Variants in ZFPM2 observed in about 807,000 individuals in gnomAD.
The protein encoded by ZFPM2 is zinc finger protein ZFPM2.
In ZFPM2, 20 loss-of-function variants were observed where a neutral mutation model predicts 98.6. That is an observed-to-expected ratio of 0.20 (90% confidence interval 0.14 to 0.29). ZFPM2 has a LOEUF of 0.29. Among genes scored for constraint, ZFPM2 ranks in the 10% least tolerant of loss-of-function variants. The pLI is 1.00. For missense variants in ZFPM2, 1,310 were observed against 1,388.6 expected (o/e 0.94, Z 0.90); for synonymous variants, 518 against 502.7 (o/e 1.03, Z -0.41).
chr8:105,454,363 G>A (rs1563666810), intron 3 of ZFPM2, among the ~76,000 whole-genome samples: 1 of 152,140 alleles, frequency 6.6e-6, no homozygotes, highest in South Asian at 2.1e-4. Flanking sequence ...GATATGGTGG[G>A]CATCAGTACT....
intron 3 of ZFPM2, among the ~76,000 whole-genome samples, chr8:105,456,194 A>G (rs1812590394): frequency 7.4e-6 from 1 of 135,522 alleles, no homozygotes. Context: ...GGAAGGGGCT[A>G]TGCCTGGCTT....
At chr8:105,528,031 G>T (rs1184127005) in intron 3 of ZFPM2, among the ~76,000 whole-genome samples, 1 of 152,114 alleles carries the variant, frequency 6.6e-6, no homozygotes, top group Admixed American at 6.6e-5. Flanking sequence ...TGCTCCAGAG[G>T]TTTCTGCAGA....
chr8:105,451,093 C>T (rs575908264), intron 3 of ZFPM2, among the ~76,000 whole-genome samples: 173 of 152,236 alleles, frequency 1.1e-3, no homozygotes, highest in African/African-American at 3.8e-3. Flanking sequence ...GATTATACTT[C>T]TTCAGCTGTG....
chr8:105,670,790 T>C (rs932158981), intron 5 of ZFPM2, among the ~76,000 whole-genome samples: 2 of 152,184 alleles, frequency 1.3e-5, no homozygotes, highest in Non-Finnish European at 2.9e-5. Context: ...ACCGGACCCA[T>C]AGAGACTACC....
intron 1 of ZFPM2, among the ~76,000 whole-genome samples, chr8:105,394,864 A>G (rs1376969749): frequency 6.6e-6 from 1 of 152,202 alleles, no homozygotes; most frequent in African/African-American, 2.4e-5. Context: ...ATCCTTATGA[A>G]GCAGCATTTG....
chr8:105,412,458 A>G (rs1811595428), intron 1 of ZFPM2, among the ~76,000 whole-genome samples: 1 of 151,842 alleles, frequency 6.6e-6, no homozygotes, highest in Admixed American at 6.6e-5. Context: ...ATAAGAAATA[A>G]CATAACACAT....
chr8:105,591,139 T>G (rs1044560455), intron 4 of ZFPM2, among the ~76,000 whole-genome samples: 1 of 151,992 alleles, frequency 6.6e-6, no homozygotes, highest in African/African-American at 2.4e-5. Context: ...AGACTATGAA[T>G]CAGTTTGCTG....
At chr8:105,741,008 C>T (rs866499608) in intron 5 of ZFPM2, among the ~76,000 whole-genome samples, 5 of 151,898 alleles carry the variant, frequency 3.3e-5, no homozygotes, top group Non-Finnish European at 5.9e-5. Flanking sequence ...TAGAGGCAGC[C>T]GTGTATTGGT....
chr8:105,756,912 C>T (rs1296833025), intron 5 of ZFPM2, among the ~76,000 whole-genome samples: 2 of 152,044 alleles, frequency 1.3e-5, no homozygotes, highest in Non-Finnish European at 2.9e-5. Flanking sequence ...CCTGGGGCAG[C>T]GCGGGCCTGC....
chr8:105,695,738 A>T (rs1426832025), intron 5 of ZFPM2, among the ~76,000 whole-genome samples: 1 of 152,194 alleles, frequency 6.6e-6, no homozygotes, highest in South Asian at 2.1e-4. Flanking sequence ...TGAGCAGAAA[A>T]TAGGTAAATG....
chr8:105,493,158 A>T (rs899492549), intron 3 of ZFPM2, among the ~76,000 whole-genome samples: 1 of 152,202 alleles, frequency 6.6e-6, no homozygotes, highest in Non-Finnish European at 1.5e-5. Flanking sequence ...ATTGCAAATT[A>T]AAAGTTTGTT....
chr8:105,491,593 A>G (rs905365216), intron 3 of ZFPM2, among the ~76,000 whole-genome samples: 2 of 152,220 alleles, frequency 1.3e-5, no homozygotes, highest in Non-Finnish European at 2.9e-5. Context: ...TCTAACAATA[A>G]TAACAACAAA....
At chr8:105,730,769 CTT>C (rs1239093734) in intron 5 of ZFPM2, among the ~76,000 whole-genome samples, 3 of 118,858 alleles carry the variant, frequency 2.5e-5, no homozygotes, top group African/African-American at 6.1e-5. Flanking sequence ...TGAACTTTTT[CTT>C]TTTTCTTTTT....
chr8:105,441,448 G>GAA lies in ZFPM2; in HGVS notation c.200-2831_200-2830insAA, dbSNP rs1377281935. 3.1e-3 allele frequency among the ~76,000 whole-genome samples: 110 copies of GAA among 36,042 alleles called. 5 individuals carry two copies. Among genetic ancestry groups the GAA allele is most frequent in the Admixed American group, 4.2e-3 (14 of 3,332 alleles). 23.6% of individuals were successfully genotyped at this position (36,042 alleles called of 152,430 possible). On this transcript the variant is annotated intron_variant, in intron 2 of 7. Coordinates refer to ENST00000407775, the MANE Select transcript of ZFPM2 (RefSeq NM_012082.4). ...AGAAAGAAAGAAAGAGAGAGAGAGA[G>GAA]AGAGAGAAAGAAAGAAAGAAAGAAA...
chr8:105,325,543 A>G (rs987707012), intron 1 of ZFPM2, among the ~76,000 whole-genome samples: 3 of 151,874 alleles, frequency 2.0e-5, no homozygotes. Flanking sequence ...TCAATATAGA[A>G]AGTGGACTCT....
intron 4 of ZFPM2, among the ~76,000 whole-genome samples, chr8:105,628,482 C>G (rs573858015): frequency 6.6e-6 from 1 of 152,204 alleles, no homozygotes; most frequent in East Asian, 1.9e-4. Context: ...AAACTGTGGC[C>G]CAAAGTGAGA....
chr8:105,420,083 T>G (rs547422327), intron 2 of ZFPM2, among the ~76,000 whole-genome samples: 2 of 152,308 alleles, frequency 1.3e-5, no homozygotes, highest in African/African-American at 4.8e-5. Context: ...TTGGATCACT[T>G]TCTTGGTTTA....
chr8:105,735,368 A>G (rs909252898), intron 5 of ZFPM2, among the ~76,000 whole-genome samples: 9 of 151,718 alleles, frequency 5.9e-5, no homozygotes, highest in Admixed American at 3.3e-4. Context: ...TATACAATTG[A>G]TTTTTTAAGG....
rs267608264 is a variant in ZFPM2, at chr8:105,634,277, C to T, written c.452C>T (p.Thr151Ile). 1.2e-6 allele frequency: 2 copies of T among 1,613,012 alleles called. No homozygotes were observed. Among genetic ancestry groups the T allele is most frequent in the Non-Finnish European group, 1.7e-6 (2 of 1,179,460 alleles). The change falls in exon 5 of 8, where the codon ACT (threonine) becomes ATT (isoleucine). Residue 151 changes from threonine (T) to isoleucine (I), a missense_variant. Coordinates refer to ENST00000407775, the MANE Select transcript of ZFPM2 (RefSeq NM_012082.4). Reference protein sequence around the residue: ...KTKAQVPMVLTAGPKWLLDVT... With the variant: ...KTKAQVPMVLIAGPKWLLDVT... ...AAGGCTCAGGTCCCAATGGTGCTGACTGCTGGTCCCAAGTGGTTGCTGGAT... is the reference window on the plus strand; with the variant it reads ...AAGGCTCAGGTCCCAATGGTGCTGATTGCTGGTCCCAAGTGGTTGCTGGAT...
Sources: allele counts gnomAD v4.1 joint callset (sites outside exome capture counted in the v4.1 genomes callset), GRCh38; gene constraint gnomAD v4.1.1; transcripts MANE v1.5; gene names NCBI Gene and HGNC (gene_info 2026-07-23, HGNC 2026-07-21).